Variants in SYTL2 observed in about 807,000 individuals in gnomAD.
SYTL2 encodes synaptotagmin-like protein 2.
A neutral mutation model predicts 198.7 loss-of-function variants in SYTL2; 165 were observed. The observed-to-expected ratio is 0.83, with a 90% confidence interval of 0.73 to 0.94. The LOEUF (loss-of-function observed/expected upper bound fraction) is 0.94, where lower values mean the gene tolerates loss of function less well. Among genes scored for constraint, SYTL2 ranks in the 40% least tolerant of loss-of-function variants. The pLI is 0.00. For missense variants in SYTL2, 2,835 were observed against 2,582.8 expected (o/e 1.10, Z -2.12); for synonymous variants, 966 against 917.7 (o/e 1.05, Z -0.95).
chr11:85,805,757 T>C (rs545575298), intron 1 of SYTL2, among the ~76,000 whole-genome samples: 1 of 152,364 alleles, frequency 6.6e-6, no homozygotes, highest in East Asian at 1.9e-4. Flanking sequence ...AACTGATACC[T>C]TTCTTTCCCC....
intron 17 of SYTL2, among the ~76,000 whole-genome samples, chr11:85,699,639 C>T (rs771851179): frequency 2.0e-5 from 3 of 152,150 alleles, no homozygotes; most frequent in Non-Finnish European, 4.4e-5. Flanking sequence ...TCCTCACCAT[C>T]AATTATTTCT....
At chr11:85,801,662 A>G (rs1429984192) in intron 1 of SYTL2, among the ~76,000 whole-genome samples, 1 of 152,160 alleles carries the variant, frequency 6.6e-6, no homozygotes, top group Non-Finnish European at 1.5e-5. Flanking sequence ...CTCACTTACA[A>G]TATTGAGAAA....
At chr11:85,770,612 C>T (rs1303417720) in intron 1 of SYTL2, among the ~76,000 whole-genome samples, 1 of 152,142 alleles carries the variant, frequency 6.6e-6, no homozygotes, top group East Asian at 1.9e-4. Flanking sequence ...AACTACAGCC[C>T]ATCCATTCCC....
At chr11:85,738,878 G>A (rs939389336) in intron 4 of SYTL2, among the ~76,000 whole-genome samples, 10 of 152,114 alleles carry the variant, frequency 6.6e-5, no homozygotes, top group Admixed American at 5.2e-4. Flanking sequence ...CACTCACCAA[G>A]CCCAAAGGAT....
At chr11:85,700,483 G>A in intron 17 of SYTL2, 32 bp downstream of exon 17, 1 of 1,529,122 alleles carries the variant, frequency 6.5e-7, no homozygotes, top group Non-Finnish European at 9.1e-7. Flanking sequence ...ATAAGGAAAG[G>A]ACATAAATCT....
At chr11:85,774,550 C>T (rs933090619) in intron 1 of SYTL2, among the ~76,000 whole-genome samples, 2 of 152,034 alleles carry the variant, frequency 1.3e-5, no homozygotes. Flanking sequence ...CCCCAAATAC[C>T]GAGCTTTGCA....
chr11:85,735,457 G>T (rs2090244748), intron 6 of SYTL2, among the ~76,000 whole-genome samples: 1 of 152,090 alleles, frequency 6.6e-6, no homozygotes, highest in African/African-American at 2.4e-5. Flanking sequence ...ATTTATTTTT[G>T]TCAGAAAGTT....
At chr11:85,767,978 A>C (rs1447898582) in intron 1 of SYTL2, among the ~76,000 whole-genome samples, 2 of 152,214 alleles carry the variant, frequency 1.3e-5, no homozygotes, top group Non-Finnish European at 2.9e-5. Flanking sequence ...ATGCACCTGC[A>C]GCACTCTGAG....
chr11:85,734,157 G>A lies in SYTL2; in HGVS notation c.1172C>T (p.Ser391Leu), dbSNP rs371521597. 27 of 1,613,990 alleles carry A rather than the reference G, an allele frequency of 1.7e-5. No homozygotes were observed. The highest frequency in any genetic ancestry group is 5.3e-5 in the African/African-American group (4 of 74,918). Residue 391 changes from serine (S) to leucine (L), a missense_variant, in exon 7 of 20, where the codon TCG becomes TTG. Physicochemically the swap from Ser to Leu is moderately radical, Grantham distance 145 (BLOSUM62 -2). Coordinates refer to ENST00000359152, the MANE Select transcript of SYTL2 (RefSeq NM_206927.4). ...GCTTGAGGTTGATTGATGAAAAAGC[G>A]AAGGCTTTCTGTATTGAGAAGGCTT... Reference protein sequence around the residue: ...DPKPSQYRKPSLFHQSTSSPY... With the variant: ...DPKPSQYRKPLLFHQSTSSPY...
chr11:85,812,272 T>C (rs1052622059), upstream of SYTL2, among the ~76,000 whole-genome samples: 3 of 152,162 alleles, frequency 2.0e-5, no homozygotes, highest in African/African-American at 7.2e-5. Flanking sequence ...GTGGCCCAGG[T>C]CTGCCTTTGG....
At chr11:85,835,380 TTAAA>T in the SYTL2 span, among the ~76,000 whole-genome samples, 6 of 151,456 alleles carry the variant, frequency 4.0e-5, no homozygotes, top group Middle Eastern at 3.4e-3. Flanking sequence ...CAATTTTTGG[TTAAA>T]TAATTAGTCA....
upstream of SYTL2, among the ~76,000 whole-genome samples, chr11:85,813,830 C>T (rs2093058348): frequency 6.6e-6 from 1 of 152,110 alleles, no homozygotes; most frequent in Non-Finnish European, 1.5e-5. Flanking sequence ...TCAAGCCATC[C>T]TCCCACCTCA....
the SYTL2 span, among the ~76,000 whole-genome samples, chr11:85,838,303 A>C: frequency 1.1e-4 from 17 of 152,314 alleles, no homozygotes; most frequent in Admixed American, 9.8e-4. Flanking sequence ...ATTTCTTGGG[A>C]GATAGTATGT....
At chr11:85,700,776 G>T (rs1286089726) in intron 16 of SYTL2, among the ~76,000 whole-genome samples, 183 bp from the exon 17 acceptor site, 1 of 152,168 alleles carries the variant, frequency 6.6e-6, no homozygotes, top group East Asian at 1.9e-4. Flanking sequence ...GGGAAAACTA[G>T]GTTGTATATC....
Position 85,737,561 on chromosome 11 carries a change from T to G in SYTL2, c.471+14A>C. On this transcript the variant is annotated intron_variant, in intron 5 of 19. Transcript: ENST00000359152. Reference sequence around the variant, plus strand: ...TAACAAATACAAGATTTTCAAAATCTGGGCTCAGTCTACCTTCTCTGGAGA... The same window carrying G: ...TAACAAATACAAGATTTTCAAAATCGGGGCTCAGTCTACCTTCTCTGGAGA... 1 of 1,602,810 alleles carries G rather than the reference T, an allele frequency of 6.2e-7. No homozygotes were observed. Among genetic ancestry groups the G allele is most frequent in the Non-Finnish European group, 8.5e-7 (1 of 1,172,364 alleles).
At chr11:85,838,895 G>A in the SYTL2 span, among the ~76,000 whole-genome samples, 1 of 152,088 alleles carries the variant, frequency 6.6e-6, no homozygotes, top group Admixed American at 6.5e-5. Flanking sequence ...ACATTTAAAA[G>A]CAAGTTTTTA....
intron 1 of SYTL2, among the ~76,000 whole-genome samples, chr11:85,768,823 C>T (rs1245537239): frequency 6.6e-6 from 1 of 152,074 alleles, no homozygotes; most frequent in Non-Finnish European, 1.5e-5. Context: ...TCTTCAAACA[C>T]AAGAATTCTC....
Position 85,698,498 on chromosome 11 carries a change from C to T in SYTL2, c.6269-420G>A, listed in dbSNP as rs144322362. On this transcript the variant is annotated intron_variant, in intron 17 of 19. Coordinates refer to ENST00000359152, the MANE Select transcript of SYTL2 (RefSeq NM_206927.4). ...AAAACATATTTGGGTATAAAGTAAC[C>T]AAAACAGGTATTGGCTAAGGTATAG... Among the ~76,000 whole-genome samples, 4 of 152,088 alleles carry T rather than the reference C, an allele frequency of 2.6e-5. No individual in the cohort carries two copies. In the East Asian group the frequency reaches 7.7e-4, roughly 29 times the overall value.
At chr11:85,698,498 C>G (rs144322362) in intron 17 of SYTL2, among the ~76,000 whole-genome samples, 1 of 151,972 alleles carries the variant, frequency 6.6e-6, no homozygotes, top group Admixed American at 6.6e-5. Flanking sequence ...ATAAAGTAAC[C>G]AAAACAGGTA....
Sources: gnomAD v4.1 joint callset for allele counts (sites outside exome capture counted in the v4.1 genomes callset) on GRCh38, gnomAD v4.1.1 for gene constraint, MANE v1.5 for transcripts, NCBI Gene and HGNC (gene_info 2026-07-23, HGNC 2026-07-21) for gene names.